Variants in ESYT2 observed in about 807,000 individuals in gnomAD.
The protein encoded by ESYT2 is extended synaptotagmin 2.
A neutral mutation model predicts 107.2 loss-of-function variants in ESYT2; 54 were observed. The observed-to-expected ratio is 0.50, with a 90% CI of 0.40 to 0.63. ESYT2 has a LOEUF of 0.63. ESYT2 is among the 30% of genes least tolerant of loss of function. The pLI is 0.00. For missense variants in ESYT2, 1,020 were observed against 1,094.5 expected (o/e 0.93, Z 0.96); for synonymous variants, 491 against 434.1 (o/e 1.13, Z -1.63).
rs188922186 is a variant in ESYT2 at position 158,748,489 on chromosome 7, C to T, written c.1558-209G>A. 4.3e-4 allele frequency among the ~76,000 whole-genome samples: 65 copies of T among 152,216 alleles called. No individual in the cohort carries two copies. In the East Asian group the frequency reaches 0.012, roughly 29 times the overall value. ...GATGGTGGATGTGTTGAAAAGATAA[C>T]GAGACGGTCTAAAGCCTTTAGAGTT... On this transcript the variant is annotated intron_variant, in intron 15 of 22. Transcript: ENST00000275418.
chr7:158,760,011 G>A, intron 12 of ESYT2, 47 bp downstream of exon 12: 1 of 1,547,474 alleles, frequency 6.5e-7, no homozygotes, highest in Non-Finnish European at 8.9e-7. Flanking sequence ...TCAGTTATGA[G>A]GAGTAGTTGG....
chr7:158,773,996 T>C (rs1465548133), intron 6 of ESYT2, among the ~76,000 whole-genome samples: 1 of 152,240 alleles, frequency 6.6e-6, no homozygotes, highest in Non-Finnish European at 1.5e-5. Context: ...CTCTACCCAC[T>C]CATTCAACAT....
chr7:158,743,957 C>A, intron 16 of ESYT2: 1 of 269,832 alleles, frequency 3.7e-6, no homozygotes, highest in Non-Finnish European at 7.0e-6. Flanking sequence ...ACCTGTAGTC[C>A]CAGCCACTCA....
At chr7:158,735,462 A>G (rs1836898129) in intron 21 of ESYT2, 41 bp downstream of exon 21, 1 of 1,552,664 alleles carries the variant, frequency 6.4e-7, no homozygotes, top group African/African-American at 1.4e-5. Context: ...GTTCAATTTT[A>G]CAAACTGCAG....
chr7:158,763,803 C>A (rs1838060223), intron 9 of ESYT2, among the ~76,000 whole-genome samples: 1 of 152,096 alleles, frequency 6.6e-6, no homozygotes, highest in Admixed American at 6.6e-5. Flanking sequence ...ATGAGACAGA[C>A]CAAAGATCCA....
At chr7:158,819,560 C>T (rs149326823) in intron 1 of ESYT2, among the ~76,000 whole-genome samples, 32 of 152,288 alleles carry the variant, frequency 2.1e-4, no homozygotes, top group African/African-American at 6.7e-4. Context: ...GGATACTATA[C>T]ACACCCATAT....
chr7:158,827,802 G>A (rs889289672), intron 1 of ESYT2, among the ~76,000 whole-genome samples: 11 of 152,134 alleles, frequency 7.2e-5, no homozygotes, highest in African/African-American at 2.4e-4. Context: ...GAAACCCACT[G>A]CTGGTCACCT....
At chr7:158,738,352 C>A (rs112391681) in intron 19 of ESYT2, among the ~76,000 whole-genome samples, 20 of 109,386 alleles carry the variant, frequency 1.8e-4, no homozygotes, top group South Asian at 5.6e-4. Context: ...CAGACACACA[C>A]ACACACACAC....
chr7:158,782,754 G>C (rs1478671518), intron 6 of ESYT2, among the ~76,000 whole-genome samples: 2 of 149,912 alleles, frequency 1.3e-5, no homozygotes, highest in East Asian at 2.0e-4. Flanking sequence ...GCATGTGTGA[G>C]AACAAGTGTG....
Position 158,798,025 on chromosome 7 carries a change from G to A in ESYT2, c.424C>T (p.Arg142Ter), listed in dbSNP as rs529248883. 5.0e-6 allele frequency: 8 copies of A among 1,614,120 alleles called. No homozygotes were observed. The highest frequency in any genetic ancestry group is 5.9e-6 in the Non-Finnish European group (7 of 1,180,020). ...FICQFIEKLF[R>*]ETIEPAVRGA... Reference sequence around the variant, plus strand: ...CGCACGGCTGGTTCTATAGTTTCTCGAAACAACTTCTCTATAAATTGGCAA... The same window carrying A: ...CGCACGGCTGGTTCTATAGTTTCTCAAAACAACTTCTCTATAAATTGGCAA... Residue 142 changes from arginine to a stop codon, truncating the protein, a stop_gained, in exon 3 of 23, where the codon CGA becomes TGA. Coordinates refer to ENST00000275418, the MANE Select transcript of ESYT2 (RefSeq NM_001367773.1). LOFTEE classifies it high-confidence loss of function.
chr7:158,782,706 G>T (rs897114132), intron 6 of ESYT2, among the ~76,000 whole-genome samples: 3 of 152,180 alleles, frequency 2.0e-5, no homozygotes, highest in Non-Finnish European at 2.9e-5. Flanking sequence ...AAACGAATCT[G>T]CAAGAGAACA....
At chr7:158,737,880 C>T (rs529427092) in intron 19 of ESYT2, among the ~76,000 whole-genome samples, 5 of 152,244 alleles carry the variant, frequency 3.3e-5, no homozygotes, top group South Asian at 2.1e-4. Context: ...GAAAATAGTT[C>T]GTAAGCCCAC....
At chr7:158,765,995 C>A (rs956073540) in intron 8 of ESYT2, among the ~76,000 whole-genome samples, 3 of 151,812 alleles carry the variant, frequency 2.0e-5, no homozygotes, top group Non-Finnish European at 2.9e-5. Flanking sequence ...GTCAGGAGAT[C>A]GAGACCATCC....
intron 2 of ESYT2, 23 bp from the exon 3 acceptor site, chr7:158,798,099 T>A: frequency 1.9e-6 from 3 of 1,613,718 alleles, no homozygotes; most frequent in Non-Finnish European, 1.7e-6. Flanking sequence ...AAGAACTCAG[T>A]TTAAACAAAA....
At chr7:158,811,767 T>C (rs908932850) in intron 1 of ESYT2, among the ~76,000 whole-genome samples, 2 of 152,192 alleles carry the variant, frequency 1.3e-5, no homozygotes, top group African/African-American at 4.8e-5. Context: ...ACAGGGTTTA[T>C]GGACGTCTCA....
intron 1 of ESYT2, among the ~76,000 whole-genome samples, chr7:158,801,559 G>C (rs926538343): frequency 6.6e-6 from 1 of 151,884 alleles, no homozygotes; most frequent in African/African-American, 2.4e-5. Flanking sequence ...AGAAAGACTG[G>C]GACACACAGG....
chr7:158,817,594 A>ACCAATGTACCCACTTCCAGGTGTCCAG (rs1563040585), intron 1 of ESYT2, among the ~76,000 whole-genome samples: 2 of 152,206 alleles, frequency 1.3e-5, no homozygotes, highest in African/African-American at 2.4e-5. Flanking sequence ...CAGGTGTCCA[A>ACCAATGTACCCACTTCCAGGTGTCCAG]CCTTTCTGAA....
At chr7:158,812,610 C>A (rs978658591) in intron 1 of ESYT2, among the ~76,000 whole-genome samples, 2 of 152,104 alleles carry the variant, frequency 1.3e-5, no homozygotes, top group African/African-American at 4.8e-5. Context: ...CTCAAAAGAA[C>A]TGAAAATGGA....
chr7:158,801,018 C>T (rs905228164), intron 1 of ESYT2, among the ~76,000 whole-genome samples: 4 of 152,142 alleles, frequency 2.6e-5, no homozygotes, highest in African/African-American at 4.8e-5. Flanking sequence ...ACAGAAAGCA[C>T]GTGCAGTGAG....
Sources: gnomAD v4.1 joint callset for allele counts (sites outside exome capture counted in the v4.1 genomes callset) on GRCh38, gnomAD v4.1.1 for gene constraint, MANE v1.5 for transcripts, NCBI Gene and HGNC (gene_info 2026-07-23, HGNC 2026-07-21) for gene names.